Variants in MUC3A observed in about 807,000 individuals in gnomAD.
MUC3A encodes the protein mucin-3A.
MUC3A carries 109 observed loss-of-function variants against 109.0 expected under a neutral mutation model. The ratio of observed to expected loss-of-function variants is 1.00; its 90% CI spans 0.86 to 1.17. The LOEUF (loss-of-function observed/expected upper bound fraction) is 1.17, where lower values mean the gene tolerates loss of function less well. Among genes scored for constraint, MUC3A ranks in the 50% most tolerant of loss-of-function variants. The pLI is 0.00. For missense variants in MUC3A, 3,537 were observed against 2,469.4 expected (o/e 1.43, Z -9.16); for synonymous variants, 1,398 against 981.4 (o/e 1.42, Z -7.93).
At chr7:100,966,320 G>T (rs1245607800) in intron 8 of MUC3A, 66 bp from the exon 9 acceptor site, 2 of 1,229,042 alleles carry the variant, frequency 1.6e-6, no homozygotes, top group Non-Finnish European at 2.0e-6. Context: ...CCCCCGCGGG[G>T]CCCAGGTGCA....
chr7:100,951,263 G>A (rs1455507057), intron 1 of MUC3A, among the ~76,000 whole-genome samples: 1 of 152,288 alleles, frequency 6.6e-6, no homozygotes, highest in African/African-American at 2.4e-5. Flanking sequence ...TCAAAGTGCT[G>A]GGATTACAGG....
At chr7:100,964,064 A>AG (rs1491160014) in intron 5 of MUC3A, 3,375 of 439,620 alleles carry the variant, frequency 7.7e-3, no homozygotes, top group African/African-American at 0.052. Flanking sequence ...TCAGCATTAG[A>AG]AAGAGAGAGA....
chr7:100,961,291 G>A (rs1487914573), intron 3 of MUC3A, among the ~76,000 whole-genome samples: 2 of 150,666 alleles, frequency 1.3e-5, no homozygotes, highest in African/African-American at 4.9e-5. Flanking sequence ...GGGTGTCACT[G>A]GGCTGAAATC....
rs565072040 is a variant in MUC3A, at chr7:100,958,878, A to G, written c.7099A>G (p.Thr2367Ala). 3,949 of 1,593,578 alleles carry G rather than the reference A, an allele frequency of 2.5e-3. 40 individuals carry two copies. In the East Asian group the frequency reaches 0.03, roughly 12 times the overall value. Residue 2367 changes from threonine to alanine, a missense_variant, in exon 2 of 12, where the codon ACC becomes GCC. Transcript: ENST00000379458. ...SFTSSITTTETTSHSTPSFSS... is the reference protein window; with the variant it reads ...SFTSSITTTEATSHSTPSFSS... ...CACTTCTTCGATCACCACCACCGAG[A>G]CCACCTCACACAGTACTCCCAGCTT...
chr7:100,965,619 C>G, intron 7 of MUC3A, 85 bp from the exon 8 acceptor site: 1 of 1,535,938 alleles, frequency 6.5e-7, no homozygotes, highest in Admixed American at 1.9e-5. Context: ...ATCCTCCTCG[C>G]GCATATTCAG....
rs769916911 is a variant in MUC3A, at chr7:100,966,711, T to C, written c.9845T>C (p.Phe3282Ser). ...ETWDEEVVGT[F>S]SNWGFEDDGT... ...TGGGATGAGGAAGTCGTGGGCACTT[T>C]TTCAAACTGGGGTTTCGAGGACGAC... is the stretch of plus-strand genomic sequence containing the variant. The change falls in exon 10 of 12, where the codon TTT (phenylalanine) becomes TCT (serine). Residue 3282 changes from phenylalanine (F) to serine (S), a missense_variant. Physicochemically the swap from Phe to Ser is radical, Grantham distance 155. Transcript: ENST00000379458. 2 of 1,598,550 alleles carry C rather than the reference T, an allele frequency of 1.3e-6. No individual in the cohort carries two copies. The highest frequency in any genetic ancestry group is 3.3e-5 in the Admixed American group (2 of 60,026).
rs764576723 is a variant in MUC3A at position 100,949,674 on chromosome 7, C to T, written c.50C>T (p.Pro17Leu). The change falls in exon 1 of 12, where the codon CCG (proline) becomes CTG (leucine). Residue 17 changes from proline to leucine, a missense_variant. Coordinates refer to ENST00000379458, the MANE Select transcript of MUC3A (RefSeq NM_005960.2). ...LGLLWMLKASPWATGTLSTAT... is the reference protein window; with the variant it reads ...LGLLWMLKASLWATGTLSTAT... ...CTCCTCTGGATGCTCAAGGCCTCCCCGTGGGCCACAGGTAAGGGGGAGAGG... is the reference window on the plus strand; with the variant it reads ...CTCCTCTGGATGCTCAAGGCCTCCCTGTGGGCCACAGGTAAGGGGGAGAGG... 18 of 1,551,938 alleles carry T rather than the reference C, an allele frequency of 1.2e-5. No homozygotes were observed. The highest frequency in any genetic ancestry group is 5.4e-5 in the African/African-American group (4 of 74,004).
Position 100,963,177 on chromosome 7 carries a change from G to GAAGT in MUC3A, c.9080_9083dup (p.Asp3031CysfsTer11). Reference sequence around the variant, plus strand: ...TGTAGTGGAGACCGAGGTGGGCATGGAAGTGTCTGTGGATCAGCAGTTCTC... The same window carrying GAAGT: ...TGTAGTGGAGACCGAGGTGGGCATGGAAGTAAGTGTCTGTGGATCAGCAGTTCTC... On this transcript the variant is annotated frameshift_variant, in exon 4 of 12. Transcript: ENST00000379458. LOFTEE classifies it high-confidence loss of function. The GAAGT allele has an allele frequency of 6.3e-7, 1 of 1,592,482 alleles. No individual in the cohort carries two copies. Among genetic ancestry groups the GAAGT allele is most frequent in the Non-Finnish European group, 8.5e-7 (1 of 1,176,696 alleles).
rs1792076588 is a variant in MUC3A, at chr7:100,955,596, C to G, written c.3817C>G (p.Leu1273Val). Residue 1273 changes from leucine to valine, a missense_variant, in exon 2 of 12, where the codon CTA becomes GTA. By Grantham distance (32) the Leu-to-Val change is conservative. Transcript: ENST00000379458. ...AACTATCACAAGTACTGACAGCACT[C>G]TAACAAGTTCCCTCCTGACGACCTT... ...RPTITSTDST[L>V]TSSLLTTFPS... 9.7e-6 allele frequency: 4 copies of G among 413,824 alleles called. No homozygotes were observed. In the South Asian group the frequency reaches 2.2e-4, roughly 23 times the overall value. 25.6% of individuals were successfully genotyped at this position (413,824 alleles called of 1,614,324 possible).
At position 100,960,230 on chromosome 7, in the gene MUC3A, C is replaced by G; in HGVS notation, c.8451C>G (p.Thr2817=). Residue 2817 remains threonine (T), a synonymous_variant, in exon 2 of 12, where the codon ACC becomes ACG. Transcript: ENST00000379458. Reference sequence around the variant, plus strand: ...CTACCGAAATGGTCACCTGTCCTACCTCCATCAGTATCCAAACTACTCTTA... The same window carrying G: ...CTACCGAAATGGTCACCTGTCCTACGTCCATCAGTATCCAAACTACTCTTA... The part of the protein sequence containing the change: ...PFTTEMVTCP[T]SISIQTTLTT... 6.3e-7 allele frequency: 1 copy of G among 1,598,204 alleles called. No homozygotes were observed. The highest frequency in any genetic ancestry group is 8.5e-7 in the Non-Finnish European group (1 of 1,179,574).
chr7:100,961,147 G>A (rs1486249684), intron 3 of MUC3A, among the ~76,000 whole-genome samples: 1 of 152,312 alleles, frequency 6.6e-6, no homozygotes, highest in Non-Finnish European at 1.5e-5. Flanking sequence ...CCTCCCTCCT[G>A]GGCCCATCTC....
rs200850624 is a variant in MUC3A at position 100,965,277 on chromosome 7, C to T, written c.9383-5C>T. ...CCCATTCCATCTGTGCCTGTGTTTC[C>T]GCAGCCCTGTGTTTTAAGCCTGACT... On this transcript the variant is annotated splice_region_variant and splice_polypyrimidine_tract_variant and intron_variant, in intron 6 of 11. Transcript: ENST00000379458. 45 of 1,598,918 alleles carry T rather than the reference C, an allele frequency of 2.8e-5. No individual in the cohort carries two copies. The African/African-American group carries it at 4.7e-4, about 17-fold the overall frequency.
At chr7:100,949,835 T>C in intron 1 of MUC3A, 150 bp downstream of exon 1, 2 of 514,774 alleles carry the variant, frequency 3.9e-6, no homozygotes, top group Non-Finnish European at 5.4e-6. Flanking sequence ...AGGCACGGCC[T>C]GACTGGGGGA....
In MUC3A at chr7:100,959,446, G is replaced by C; in HGVS notation, c.7667G>C (p.Arg2556Thr). The C allele has an allele frequency of 1.9e-6, 3 of 1,553,594 alleles. No individual in the cohort carries two copies. The highest frequency in any genetic ancestry group is 2.6e-6 in the Non-Finnish European group (3 of 1,161,014). Residue 2556 changes from arginine to threonine, a missense_variant, in exon 2 of 12, where the codon AGA becomes ACA. By Grantham distance (71) the Arg-to-Thr change is moderately conservative. Coordinates refer to ENST00000379458, the MANE Select transcript of MUC3A (RefSeq NM_005960.2). ...PTMSTVRMTLRITENTPISSF... is the reference protein window; with the variant it reads ...PTMSTVRMTLTITENTPISSF... Reference sequence around the variant, plus strand: ...ATGTCCACTGTGAGAATGACCCTCAGAATTACTGAGAACACCCCAATCAGT... The same window carrying C: ...ATGTCCACTGTGAGAATGACCCTCACAATTACTGAGAACACCCCAATCAGT...
Position 100,960,124 on chromosome 7 carries a change from C to T in MUC3A, c.8345C>T (p.Pro2782Leu), listed in dbSNP as rs761822746. The stretch of plus-strand genomic sequence containing the variant: ...ACAATTACCATAGTCCCTGCCTCCC[C>T]CACTGATCCATGTGTTGAAATGGAT... ...TITITIVPAS[P>L]TDPCVEMDPS... Residue 2782 changes from proline to leucine, a missense_variant, in exon 2 of 12, where the codon CCC becomes CTC. By Grantham distance (98) the Pro-to-Leu change is moderately conservative. Coordinates refer to ENST00000379458, the MANE Select transcript of MUC3A (RefSeq NM_005960.2). The T allele has an allele frequency of 6.5e-7, 1 of 1,546,260 alleles. No individual in the cohort carries two copies. The highest frequency in any genetic ancestry group is 1.4e-5 in the African/African-American group (1 of 73,946).
chr7:100,962,624 C>T (rs909887922), intron 3 of MUC3A, among the ~76,000 whole-genome samples: 1 of 152,070 alleles, frequency 6.6e-6, no homozygotes, highest in African/African-American at 2.4e-5. Context: ...TCCTTCCTCT[C>T]GCTCTCTTCT....
chr7:100,965,072 C>T (rs1215468843), intron 6 of MUC3A: 3 of 1,068,448 alleles, frequency 2.8e-6, no homozygotes, highest in South Asian at 1.6e-5. Flanking sequence ...CAGCATTTCC[C>T]GGATGGCTGA....
chr7:100,966,514 TC>T lies in MUC3A; in HGVS notation c.9742del (p.Arg3248GlyfsTer62). 1 of 1,302,594 alleles carries T rather than the reference TC, an allele frequency of 7.7e-7. No homozygotes were observed. The highest frequency in any genetic ancestry group is 9.7e-7 in the Non-Finnish European group (1 of 1,034,936). The allele number at this position is 1,302,594 out of a possible 1,614,324, so 80.7% of individuals were successfully genotyped here. On this transcript the variant is annotated frameshift_variant, in exon 9 of 12. Transcript: ENST00000379458. LOFTEE classifies it high-confidence loss of function. The part of the protein sequence containing the change: ...LLVLLLLALG[V>X]RAVRSGWWGG... ...GTGCTGCTGCTGCTGGCGCTGGGCG[TC>T]CGGGCGGTGCGCTCCGGATGGTGGG...
At chr7:100,964,952 C>A in intron 6 of MUC3A, 109 bp downstream of exon 6, 1 of 1,458,722 alleles carries the variant, frequency 6.9e-7, no homozygotes, top group Non-Finnish European at 9.1e-7. Flanking sequence ...GTACCTCTGG[C>A]AGGTTGGGAG....
Sources: gnomAD v4.1 joint callset for allele counts (sites outside exome capture counted in the v4.1 genomes callset) on GRCh38, gnomAD v4.1.1 for gene constraint, MANE v1.5 for transcripts, NCBI Gene and HGNC (gene_info 2026-07-23, HGNC 2026-07-21) for gene names.